EFCAB14: variants seen among roughly 807,000 people sequenced by gnomAD.
EFCAB14 encodes the protein EF-hand calcium binding domain 14, also known as EF-hand calcium-binding domain-containing protein 14.
A neutral mutation model predicts 56.5 loss-of-function variants in EFCAB14; 43 were observed. The ratio of observed to expected loss-of-function variants is 0.76; its 90% CI spans 0.60 to 0.98. The LOEUF is 0.98. Among genes scored for constraint, EFCAB14 ranks in the 50% least tolerant of loss-of-function variants. The pLI is 0.00. For missense variants in EFCAB14, 538 were observed against 580.3 expected, an observed-to-expected ratio of 0.93 and a Z score of 0.75; for synonymous variants, 235 against 212.9, an observed-to-expected ratio of 1.10 and a Z score of -0.90.
chr1:46,696,435 C>A (rs915020673), intron 4 of EFCAB14, 116 bp downstream of exon 4: 4 of 970,414 alleles, frequency 4.1e-6, no homozygotes, highest in Non-Finnish European at 6.3e-6. Context: ...CTTGGAGCAG[C>A]TGATTTCAAA....
intron 1 of EFCAB14, among the ~76,000 whole-genome samples, chr1:46,716,697 C>A (rs1232124199): frequency 6.6e-6 from 1 of 152,136 alleles, no homozygotes; most frequent in Non-Finnish European, 1.5e-5. Flanking sequence ...AACCTAAAGG[C>A]ACTGCAGCTG....
chr1:46,686,979 C>T (rs1676893538), intron 7 of EFCAB14, 109 bp from the exon 8 acceptor site: 3 of 970,498 alleles, frequency 3.1e-6, no homozygotes, highest in Non-Finnish European at 4.7e-6. Flanking sequence ...TTTAAAGGAT[C>T]TCAGAACACT....
At chr1:46,702,423 G>A (rs906397436) in intron 3 of EFCAB14, among the ~76,000 whole-genome samples, 7 of 152,286 alleles carry the variant, frequency 4.6e-5, no homozygotes, top group Admixed American at 1.3e-4. Context: ...AAGATGTAAC[G>A]CAGCATGGGA....
chr1:46,679,565 A>G (rs1002317478), intron 10 of EFCAB14, among the ~76,000 whole-genome samples: 17 of 123,062 alleles, frequency 1.4e-4, no homozygotes, highest in African/African-American at 4.9e-4. Context: ...GGCCTCCCAG[A>G]GTGCTGGGAT....
chr1:46,697,603 G>C (rs939895023), intron 3 of EFCAB14, among the ~76,000 whole-genome samples: 2 of 152,174 alleles, frequency 1.3e-5, no homozygotes, highest in African/African-American at 4.8e-5. Context: ...TATGGGCCAA[G>C]CACAGTGGTA....
chr1:46,718,032 C>G lies in EFCAB14; in HGVS notation c.56G>C (p.Arg19Thr). ...GCTTGGGCCTTTCTTGGGCTTCTTT[C>G]TCCGGCTGTCCCCAGCCAAACCAAT... is the stretch of plus-strand genomic sequence containing the variant. ...ALIGLAGDSRRKKPKKGPSSH... is the reference protein window; with the variant it reads ...ALIGLAGDSRTKKPKKGPSSH... Residue 19 changes from arginine (R) to threonine (T), a missense_variant, in exon 1 of 11, where the codon AGA becomes ACA. By Grantham distance (71) the Arg-to-Thr change is moderately conservative. Coordinates refer to ENST00000371933, the MANE Select transcript of EFCAB14 (RefSeq NM_014774.3). 1 of 1,614,228 alleles carries G rather than the reference C, an allele frequency of 6.2e-7. No homozygotes were observed. The highest frequency in any genetic ancestry group is 8.5e-7 in the Non-Finnish European group (1 of 1,180,042).
At chr1:46,678,959 TAGA>T (rs1676742532) in intron 10 of EFCAB14, among the ~76,000 whole-genome samples, 1 of 152,108 alleles carries the variant, frequency 6.6e-6, no homozygotes, top group South Asian at 2.1e-4. Context: ...ACTGCCAAAG[TAGA>T]AGCAGTGACA....
Position 46,683,426 on chromosome 1 carries a change from C to A in EFCAB14, c.1187-1G>T. On this transcript the variant is annotated splice_acceptor_variant, in intron 9 of 10. Coordinates refer to ENST00000371933, the MANE Select transcript of EFCAB14 (RefSeq NM_014774.3). LOFTEE classifies it high-confidence loss of function. ...TTTGATGTGAAACTCTCTACTTGCT[C>A]TGTAACAAATACATAAGGTTTTATT... 6.2e-7 allele frequency: 1 copy of A among 1,613,076 alleles called. No homozygotes were observed. Among genetic ancestry groups the A allele is most frequent in the South Asian group, 1.1e-5 (1 of 90,858 alleles).
Position 46,717,946 on chromosome 1 carries a change from C to T in EFCAB14, c.142G>A (p.Glu48Lys). Residue 48 changes from glutamate to lysine, a missense_variant, in exon 1 of 11, where the codon GAA becomes AAA. Transcript: ENST00000371933. ...TTTCCAACCACACCGAATTCCTCTTCCTCTTCGGAGCTGGACTCAGAGTCT... is the reference window on the plus strand; with the variant it reads ...TTTCCAACCACACCGAATTCCTCTTTCTCTTCGGAGCTGGACTCAGAGTCT... ...DSDSESSSEE[E>K]EEFGVVGNRS... 6.2e-7 allele frequency: 1 copy of T among 1,614,146 alleles called. No individual in the cohort carries two copies. Among genetic ancestry groups the T allele is most frequent in the Non-Finnish European group, 8.5e-7 (1 of 1,180,016 alleles).
intron 10 of EFCAB14, chr1:46,682,395 T>C (rs943888090): frequency 6.6e-6 from 1 of 152,100 alleles, no homozygotes; most frequent in Non-Finnish European, 1.5e-5. Flanking sequence ...AACATCACCA[T>C]GAGGGATAGA....
At chr1:46,679,420 C>G (rs1557437855) in intron 10 of EFCAB14, among the ~76,000 whole-genome samples, 1 of 151,818 alleles carries the variant, frequency 6.6e-6, no homozygotes, top group Non-Finnish European at 1.5e-5. Flanking sequence ...TGTGCTTCAG[C>G]CTCCTGCGTA....
intron 10 of EFCAB14, among the ~76,000 whole-genome samples, chr1:46,678,838 AAAG>A (rs1557437627): frequency 6.8e-6 from 1 of 146,894 alleles, no homozygotes; most frequent in Non-Finnish European, 1.5e-5. Context: ...AAAAAAAAAA[AAAG>A]GCTGGGTGCA....
At chr1:46,678,689 T>C (rs1676737052) in intron 10 of EFCAB14, 53 bp from the exon 11 acceptor site, 1 of 1,503,170 alleles carries the variant, frequency 6.7e-7, no homozygotes, top group Non-Finnish European at 9.0e-7. Flanking sequence ...CAGCTAAATT[T>C]AGTTAAAAGT....
chr1:46,691,795 C>T, intron 5 of EFCAB14, 32 bp downstream of exon 5: 1 of 1,539,564 alleles, frequency 6.5e-7, no homozygotes, highest in South Asian at 1.1e-5. Flanking sequence ...AAAGGGTGAG[C>T]AGGAGCATGC....
chr1:46,688,660 G>A, intron 6 of EFCAB14, 116 bp from the exon 7 acceptor site: 1 of 862,146 alleles, frequency 1.2e-6, no homozygotes, highest in Non-Finnish European at 1.8e-6. Flanking sequence ...TCCTTTTCCT[G>A]GTTTTGACCA....
intron 4 of EFCAB14, among the ~76,000 whole-genome samples, chr1:46,693,222 C>T (rs1303954615): frequency 6.6e-6 from 1 of 152,124 alleles, no homozygotes; most frequent in Non-Finnish European, 1.5e-5. Flanking sequence ...AAAAGCCTGT[C>T]CTAAGGGAAC....
intron 1 of EFCAB14, 23 bp downstream of exon 1, chr1:46,717,880 T>C: frequency 1.2e-6 from 2 of 1,606,198 alleles, no homozygotes; most frequent in Non-Finnish European, 1.7e-6. Context: ...CTTCTTCCCA[T>C]TCCACCTTTC....
At position 46,702,806 on chromosome 1, in the gene EFCAB14, G is replaced by C. The variant is rs553339016; in HGVS notation, c.480+5100C>G. On this transcript the variant is annotated intron_variant, in intron 3 of 10. Transcript: ENST00000371933. ...GCATCACATAAGGTATTTGGACTGAGTGCTAAAAGAGAGCTACACAGAGTA... is the reference window on the plus strand; with the variant it reads ...GCATCACATAAGGTATTTGGACTGACTGCTAAAAGAGAGCTACACAGAGTA... 1.6e-3 allele frequency among the ~76,000 whole-genome samples: 244 copies of C among 152,276 alleles called. 2 individuals carry two copies. The highest frequency in any genetic ancestry group is 5.7e-3 in the African/African-American group (235 of 41,540).
At position 46,715,514 on chromosome 1, in the gene EFCAB14, T is replaced by G. The variant is rs537294586; in HGVS notation, c.334+781A>C. ...CTCTTATTATTGCCCATTCCTATGC[T>G]CCTATTCAGTCCTTCTAAAGAGGCA... On this transcript the variant is annotated intron_variant, in intron 2 of 10. Transcript: ENST00000371933. 2.0e-5 allele frequency among the ~76,000 whole-genome samples: 3 copies of G among 152,276 alleles called. No individual in the cohort carries two copies. In the East Asian group the frequency reaches 5.8e-4, roughly 29 times the overall value.
Sources: gnomAD v4.1 joint callset for allele counts (sites outside exome capture counted in the v4.1 genomes callset) on GRCh38, gnomAD v4.1.1 for gene constraint, MANE v1.5 for transcripts, NCBI Gene and HGNC (gene_info 2026-07-23, HGNC 2026-07-21) for gene names.